Variants in ODAD3 observed in about 807,000 individuals in gnomAD.
ODAD3 encodes the protein outer dynein arm-docking complex subunit 3.
In ODAD3, 57 loss-of-function variants were observed where a neutral mutation model predicts 70.9. The observed-to-expected ratio is 0.80, with a 90% CI of 0.65 to 1.00. The LOEUF (loss-of-function observed/expected upper bound fraction) is 1.00, where lower values mean the gene tolerates loss of function less well. ODAD3 is among the 50% of genes least tolerant of loss of function. The pLI is 0.00. For missense variants in ODAD3, 797 were observed against 763.9 expected, an observed-to-expected ratio of 1.04 and a Z score of -0.51; for synonymous variants, 327 against 315.9, an observed-to-expected ratio of 1.04 and a Z score of -0.37.
rs780241121 is a variant in ODAD3, at chr19:11,430,746, G to A, written c.397C>T (p.Arg133Cys). 4.8e-5 allele frequency: 77 copies of A among 1,613,834 alleles called. No individual in the cohort carries two copies. The highest frequency in any genetic ancestry group is 6.2e-5 in the Non-Finnish European group (73 of 1,179,988). ...TATGGCTTCTCCCACTTCCATTCGC[G>A]AATCACTGCCTGGACCACTTTCTCA... ...GDEKVVQAVI[R>C]EWKWEKPYLK... Residue 133 changes from arginine (R) to cysteine (C), a missense_variant, in exon 3 of 13, where the codon CGC becomes TGC. Coordinates refer to ENST00000356392, the MANE Select transcript of ODAD3 (RefSeq NM_145045.5).
At chr19:11,428,111 A>C (rs1969424785) in intron 3 of ODAD3, among the ~76,000 whole-genome samples, 1 of 151,870 alleles carries the variant, frequency 6.6e-6, no homozygotes. Context: ...AAAAAAAAAA[A>C]AAATTATAGA....
Position 11,422,342 on chromosome 19 carries a change from A to G in ODAD3, c.1434+129T>C. 3 of 1,183,296 alleles carry G rather than the reference A, an allele frequency of 2.5e-6. No homozygotes were observed. The South Asian group carries it at 5.0e-5, about 20-fold the overall frequency. 73.3% of individuals were successfully genotyped at this position (1,183,296 alleles called of 1,614,324 possible). A position where few individuals can be genotyped will look rare whatever the true frequency, so the allele number is the denominator to read the frequency against. The stretch of plus-strand genomic sequence containing the variant: ...GCTTCCCCTGTGGGCGGGGCCTCTG[A>G]CGTCCGGGACAGAGGATGTGGCAGG... On this transcript the variant is annotated intron_variant, in intron 10 of 12. Coordinates refer to ENST00000356392, the MANE Select transcript of ODAD3 (RefSeq NM_145045.5). The surrounding 1 kb of genome is among the most constrained non-coding windows in gnomAD (Gnocchi z 4.6).
In ODAD3 at chr19:11,431,275, C is replaced by T. The variant is rs191461942; in HGVS notation, c.245-255G>A. On this transcript the variant is annotated intron_variant, in intron 1 of 12. Coordinates refer to ENST00000356392, the MANE Select transcript of ODAD3 (RefSeq NM_145045.5). ...TACAGGCATGTACCACCACACCTGG[C>T]TAATTTTGTATTTTTAGTAGACATG... The T allele has an allele frequency of 3.9e-5, 17 of 436,250 alleles. No homozygotes were observed. In the East Asian group the frequency reaches 8.1e-4, roughly 21 times the overall value. The allele number at this position is 436,250 out of a possible 1,614,324, so 27.0% of individuals were successfully genotyped here. A position where few individuals can be genotyped will look rare whatever the true frequency, so the allele number is the denominator to read the frequency against.
chr19:11,434,699 A>G, intron 1 of ODAD3, 74 bp downstream of exon 1: 1 of 1,518,018 alleles, frequency 6.6e-7, no homozygotes, highest in Non-Finnish European at 8.9e-7. Flanking sequence ...CTGGAGAAAT[A>G]CCTTTGTCAC....
In ODAD3 at chr19:11,424,025, T is replaced by G. The variant is rs1162233153; in HGVS notation, c.968A>C (p.His323Pro). ...GGACTGTAGCAGCAGGTGCTCGCGG[T>G]GGGTCTGCTCGTGGGTTGAGGTCAG... ...LENERMERKT[H>P]REHLLLQSDD... Residue 323 changes from histidine to proline, a missense_variant, in exon 8 of 13, where the codon CAC becomes CCC. By Grantham distance (77) the His-to-Pro change is moderately conservative. Coordinates refer to ENST00000356392, the MANE Select transcript of ODAD3 (RefSeq NM_145045.5). The G allele has an allele frequency of 1.2e-6, 2 of 1,608,062 alleles. No homozygotes were observed. The highest frequency in any genetic ancestry group is 1.7e-6 in the Non-Finnish European group (2 of 1,179,344).
chr19:11,421,793 C>A lies in ODAD3; in HGVS notation c.1474G>T (p.Ala492Ser). The A allele has an allele frequency of 6.2e-7, 1 of 1,613,288 alleles. No homozygotes were observed. Among genetic ancestry groups the A allele is most frequent in the Non-Finnish European group, 8.5e-7 (1 of 1,179,960 alleles). ...RFAGKELDPQ[A>S]DNYVPNLLGL... ...AGCAGGTTTGGCACATAGTTATCTG[C>A]CTGGGGATCCAGCTCCTTTCCCGCG... The change falls in exon 11 of 13, where the codon GCA becomes TCA. Residue 492 changes from alanine (A) to serine (S), a missense_variant. Coordinates refer to ENST00000356392, the MANE Select transcript of ODAD3 (RefSeq NM_145045.5).
rs1395146673 is a variant in ODAD3 at position 11,422,853 on chromosome 19, C to T, written c.1125G>A (p.Val375=). 2.5e-6 allele frequency: 4 copies of T among 1,603,318 alleles called. No individual in the cohort carries two copies. The highest frequency in any genetic ancestry group is 3.4e-6 in the Non-Finnish European group (4 of 1,179,690). Residue 375 remains valine, a synonymous_variant, in exon 9 of 13, where the codon GTG becomes GTA. Coordinates refer to ENST00000356392, the MANE Select transcript of ODAD3 (RefSeq NM_145045.5). This position sits in a 1 kb window ranked among gnomAD's most constrained non-coding sequence, Gnocchi z 4.6. ...TGTCGCCCTGGGCCAGGAACCGCCGCACCAACGACTGCGGGCCACCCAGCC... is the reference window on the plus strand; with the variant it reads ...TGTCGCCCTGGGCCAGGAACCGCCGTACCAACGACTGCGGGCCACCCAGCC... ...ATGTDETHSL[V]RRFLAQGDTF... is the part of the protein sequence containing the mutation.
At chr19:11,425,341 A>ATGTATATATGTGTATATGTACATATG (rs1229435265) in intron 7 of ODAD3, among the ~76,000 whole-genome samples, 1 of 126,810 alleles carries the variant, frequency 7.9e-6, no homozygotes, top group Non-Finnish European at 1.6e-5. Flanking sequence ...ATGTGTATAT[A>ATGTATATATGTGTATATGTACATATG]TGTATATATG....
At position 11,425,335 on chromosome 19, in the gene ODAD3, GTA is replaced by G. The variant is rs1399822475; in HGVS notation, c.963+807_963+808del. On this transcript the variant is annotated intron_variant, in intron 7 of 12. Coordinates refer to ENST00000356392, the MANE Select transcript of ODAD3 (RefSeq NM_145045.5). ...TACATATGTGTATATGTACATATGT[GTA>G]TATATGTATATATGTGTATATGTAC... Among the ~76,000 whole-genome samples the G allele has an allele frequency of 2.4e-4, 30 of 126,918 alleles. 1 individual carries two copies. Among genetic ancestry groups the G allele is most frequent in the Admixed American group, 1.2e-3 (15 of 12,570 alleles). The allele number at this position is 126,918 out of a possible 152,430, so 83.3% of individuals were successfully genotyped here.
At chr19:11,433,538 G>A (rs980232465) in intron 1 of ODAD3, among the ~76,000 whole-genome samples, 4 of 152,128 alleles carry the variant, frequency 2.6e-5, no homozygotes, top group African/African-American at 4.8e-5. Flanking sequence ...TTCACACATC[G>A]AGAAACTGAG....
intron 3 of ODAD3, 50 bp from the exon 4 acceptor site, chr19:11,427,090 C>A (rs1402145152): frequency 1.3e-6 from 2 of 1,493,236 alleles, no homozygotes; most frequent in Non-Finnish European, 1.8e-6. Context: ...CCTACCCCGA[C>A]ACACACCTAG....
At chr19:11,425,395 G>GTA (rs537747615) in intron 7 of ODAD3, among the ~76,000 whole-genome samples, 2 of 130,388 alleles carry the variant, frequency 1.5e-5, no homozygotes, top group Admixed American at 7.4e-5. Context: ...GTACATATGT[G>GTA]TATATGTATA....
rs1969287000 is a variant in ODAD3 at position 11,425,203 on chromosome 19, GTGTACATATGTGTATATATGTGTGTATA to G, written c.963+913_963+940del. Among the ~76,000 whole-genome samples, 14 of 109,034 alleles carry G rather than the reference GTGTACATATGTGTATATATGTGTGTATA, an allele frequency of 1.3e-4. No homozygotes were observed. In the South Asian group the frequency reaches 2.3e-3, roughly 18 times the overall value. 71.5% of individuals were successfully genotyped at this position (109,034 alleles called of 152,430 possible). A position where few individuals can be genotyped will look rare whatever the true frequency, so the allele number is the denominator to read the frequency against. ...TATGTGTATATATACATATGTGTAT[GTGTACATATGTGTATATATGTGTGTATA>G]TGTACATATGTGTATATATGTATAT... On this transcript the variant is annotated intron_variant, in intron 7 of 12. Coordinates refer to ENST00000356392, the MANE Select transcript of ODAD3 (RefSeq NM_145045.5).
upstream of ODAD3, chr19:11,435,649 A>T: frequency 7.8e-6 from 10 of 1,276,050 alleles, no homozygotes; most frequent in Non-Finnish European, 1.0e-5. Context: ...CTGCAGCAGG[A>T]ACCGCGGCTG....
intron 3 of ODAD3, among the ~76,000 whole-genome samples, chr19:11,427,260 C>T (rs370705411): frequency 9.9e-5 from 15 of 151,774 alleles, no homozygotes; most frequent in East Asian, 3.9e-4. Flanking sequence ...TACACCGGCT[C>T]AGGGTTCTAA....
chr19:11,424,620 T>C (rs1969228532), intron 7 of ODAD3, among the ~76,000 whole-genome samples: 1 of 123,794 alleles, frequency 8.1e-6, no homozygotes, highest in South Asian at 2.4e-4. Flanking sequence ...TATATACCTA[T>C]GTGTATATAT....
At position 11,434,793 on chromosome 19, in the gene ODAD3, T is replaced by C; in HGVS notation, c.224A>G (p.His75Arg). Residue 75 changes from histidine to arginine, a missense_variant, in exon 1 of 13, where the codon CAT becomes CGT. His to Arg is a conservative substitution (Grantham distance 29, BLOSUM62 0). Transcript: ENST00000356392. ...PSVHSQVAEL[H>R]KKIQLLEGDR... is the part of the protein sequence containing the mutation. Reference sequence around the variant, plus strand: ...CTTACCTAACAGTTGTATCTTTTTATGTAACTCAGCCACCTGAGAGTGCAC... The same window carrying C: ...CTTACCTAACAGTTGTATCTTTTTACGTAACTCAGCCACCTGAGAGTGCAC... 3 of 1,613,508 alleles carry C rather than the reference T, an allele frequency of 1.9e-6. No homozygotes were observed. The highest frequency in any genetic ancestry group is 2.5e-6 in the Non-Finnish European group (3 of 1,179,536).
At chr19:11,427,785 T>A (rs562976992) in intron 3 of ODAD3, among the ~76,000 whole-genome samples, 18 of 151,470 alleles carry the variant, frequency 1.2e-4, no homozygotes, top group African/African-American at 4.4e-4. Flanking sequence ...CCCAGCTATC[T>A]TCTGGCCATT....
chr19:11,421,314 G>T, intron 11 of ODAD3, 102 bp from the exon 12 acceptor site: 1 of 1,094,440 alleles, frequency 9.1e-7, no homozygotes, highest in Non-Finnish European at 1.3e-6. Context: ...ATATGCCCTA[G>T]TTCCAACTGG....
Sources: allele counts gnomAD v4.1 joint callset (sites outside exome capture counted in the v4.1 genomes callset), GRCh38; gene constraint gnomAD v4.1.1; non-coding constraint Gnocchi (gnomAD v3.1); transcripts MANE v1.5; gene names NCBI Gene and HGNC (gene_info 2026-07-23, HGNC 2026-07-21).